GABPB1: variants seen among roughly 807,000 people sequenced by gnomAD.
GABPB1 encodes the protein GA-binding protein subunit beta-1.
A neutral mutation model predicts 45.9 loss-of-function variants in GABPB1; 15 were observed. The observed-to-expected ratio is 0.33, with a 90% CI of 0.22 to 0.50. The LOEUF (loss-of-function observed/expected upper bound fraction) is 0.50. Among genes scored for constraint, GABPB1 ranks in the 20% least tolerant of loss-of-function variants. The pLI is 0.98. For missense variants in GABPB1, 252 were observed against 457.5 expected, an observed-to-expected ratio of 0.55 and a Z score of 4.10; for synonymous variants, 143 against 154.4, an observed-to-expected ratio of 0.93 and a Z score of 0.55.
At position 50,277,338 on chromosome 15, in the gene GABPB1, T is replaced by C. The variant is rs2045853117; in HGVS notation, c.*1294A>G. Reference sequence around the variant, plus strand: ...AGGGTAATTGCTTTTTTATACAGTATAGATAACCTAGAGGGATTTCAGGGT... The same window carrying C: ...AGGGTAATTGCTTTTTTATACAGTACAGATAACCTAGAGGGATTTCAGGGT... On this transcript the variant is annotated 3_prime_UTR_variant, in exon 9 of 9. Coordinates refer to ENST00000380877, the MANE Select transcript of GABPB1 (RefSeq NM_016654.5). 2.6e-5 allele frequency: 4 copies of C among 151,260 alleles called. No homozygotes were observed. Among genetic ancestry groups the C allele is most frequent in the African/African-American group, 4.9e-5 (2 of 41,034 alleles). The allele number at this position is 151,260 out of a possible 1,614,324, so 9.4% of individuals were successfully genotyped here.
Position 50,300,692 on chromosome 15 carries a change from G to A in GABPB1, c.697+97C>T, listed in dbSNP as rs1243514399. ...ACTCCTGAGCTCAGGCAATCCACCCGCCTCGCCCTCCCAAAGTGCTAGGAT... is the reference window on the plus strand; with the variant it reads ...ACTCCTGAGCTCAGGCAATCCACCCACCTCGCCCTCCCAAAGTGCTAGGAT... On this transcript the variant is annotated intron_variant, in intron 6 of 8. Transcript: ENST00000380877. 41 of 720,470 alleles carry A rather than the reference G, an allele frequency of 5.7e-5. No individual in the cohort carries two copies. The Admixed American group carries it at 7.6e-4, about 13-fold the overall frequency. The allele number at this position is 720,470 out of a possible 1,614,324, so 44.6% of individuals were successfully genotyped here.
intron 6 of GABPB1, among the ~76,000 whole-genome samples, chr15:50,297,404 G>C (rs1289851265): frequency 6.6e-6 from 1 of 151,594 alleles, no homozygotes; most frequent in Admixed American, 6.6e-5. Context: ...GTAGAGACAG[G>C]GTTTCAGAAA....
In GABPB1 at chr15:50,304,101, C is replaced by T. The variant is rs2046854248; in HGVS notation, c.141G>A (p.Gln47=). ...LGTSPLHLAA[Q]YGHYSTTEVL... ...CCTCTGTGGTGGAATAATGACCATA[C>T]TGTGCTGCTAGATGAAGTGGAGAAG... The change falls in exon 3 of 9, where the codon CAG becomes CAA. Residue 47 remains glutamine, a synonymous_variant. Coordinates refer to ENST00000380877, the MANE Select transcript of GABPB1 (RefSeq NM_016654.5). 4 of 1,607,688 alleles carry T rather than the reference C, an allele frequency of 2.5e-6. No individual in the cohort carries two copies. Among genetic ancestry groups the T allele is most frequent in the Non-Finnish European group, 8.5e-7 (1 of 1,177,946 alleles).
chr15:50,319,830 T>C (rs1237769823), intron 1 of GABPB1, among the ~76,000 whole-genome samples: 1 of 148,614 alleles, frequency 6.7e-6, no homozygotes, highest in African/African-American at 2.4e-5. Flanking sequence ...AGAGTGAGAC[T>C]CCGTCTCAAA....
chr15:50,294,359 C>T (rs573437423), intron 6 of GABPB1, among the ~76,000 whole-genome samples: 1 of 152,002 alleles, frequency 6.6e-6, no homozygotes, highest in South Asian at 2.1e-4. Flanking sequence ...ACTAAAAATA[C>T]AAAAATTAGC....
At chr15:50,332,741 T>G (rs1484201160) in intron 1 of GABPB1, among the ~76,000 whole-genome samples, 2 of 152,082 alleles carry the variant, frequency 1.3e-5, no homozygotes, top group Non-Finnish European at 2.9e-5. Context: ...TTTAAAATTT[T>G]CCATAAGAGG....
chr15:50,345,195 G>A (rs1387305123), intron 1 of GABPB1, among the ~76,000 whole-genome samples: 1 of 152,138 alleles, frequency 6.6e-6, no homozygotes, highest in Non-Finnish European at 1.5e-5. Flanking sequence ...GGCAAGGAGA[G>A]AACATTAAAA....
intron 1 of GABPB1, among the ~76,000 whole-genome samples, chr15:50,323,179 T>G (rs1190022496): frequency 1.3e-5 from 2 of 152,270 alleles, no homozygotes; most frequent in South Asian, 4.2e-4. Context: ...GAGACTGTAC[T>G]GCACAGCGGC....
At chr15:50,329,040 A>G (rs565086409) in intron 1 of GABPB1, among the ~76,000 whole-genome samples, 15 of 152,304 alleles carry the variant, frequency 9.8e-5, no homozygotes, top group African/African-American at 3.1e-4. Context: ...ATTTTGGCCA[A>G]GGAGAGCCTT....
rs1280358348 is a variant in GABPB1 at position 50,300,881 on chromosome 15, A to G, written c.605T>C (p.Val202Ala). 5 of 1,605,824 alleles carry G rather than the reference A, an allele frequency of 3.1e-6. No homozygotes were observed. The Admixed American group carries it at 8.3e-5, about 27-fold the overall frequency. The change falls in exon 6 of 9, where the codon GTT (valine) becomes GCT (alanine). Residue 202 changes from valine (V) to alanine (A), a missense_variant. Val to Ala is a moderately conservative substitution (Grantham distance 64, BLOSUM62 0). This residue lies in a region of GABPB1 where 193 missense variants were observed against 259.9 expected (regional missense o/e 0.74). Coordinates refer to ENST00000380877, the MANE Select transcript of GABPB1 (RefSeq NM_016654.5). ...TGATGTAGAAGAGTTTCCAAACTGA[A>G]CAGCAGATACACCCGTTTCATCTGT... is the stretch of plus-strand genomic sequence containing the variant. Reference protein sequence around the residue: ...NLTDETGVSAVQFGNSSTSVL... With the variant: ...NLTDETGVSAAQFGNSSTSVL...
chr15:50,296,733 T>C (rs912794338), intron 6 of GABPB1, among the ~76,000 whole-genome samples: 1 of 152,086 alleles, frequency 6.6e-6, no homozygotes, highest in Non-Finnish European at 1.5e-5. Context: ...CTTGAAAAGA[T>C]ATATATAAAC....
intron 1 of GABPB1, among the ~76,000 whole-genome samples, chr15:50,338,660 G>T (rs551677059): frequency 2.0e-5 from 3 of 152,100 alleles, no homozygotes; most frequent in East Asian, 3.9e-4. Context: ...TTTTTGTAGA[G>T]ACGGGGCTTC....
intron 6 of GABPB1, among the ~76,000 whole-genome samples, chr15:50,295,995 T>C (rs2046497098): frequency 6.6e-6 from 1 of 152,182 alleles, no homozygotes; most frequent in African/African-American, 2.4e-5. Flanking sequence ...ATGTCAAAAA[T>C]GGTACTAACG....
chr15:50,322,754 C>T (rs761700624), intron 1 of GABPB1, among the ~76,000 whole-genome samples: 6 of 152,062 alleles, frequency 3.9e-5, no homozygotes, highest in East Asian at 1.9e-4. Flanking sequence ...GGGCCAGGCA[C>T]GGTGGCTCAT....
At chr15:50,337,498 C>T (rs568339798) in intron 1 of GABPB1, among the ~76,000 whole-genome samples, 8 of 152,084 alleles carry the variant, frequency 5.3e-5, no homozygotes, top group African/African-American at 1.9e-4. Flanking sequence ...CAGTGGTTCA[C>T]GCCTGTAGTA....
intron 6 of GABPB1, among the ~76,000 whole-genome samples, chr15:50,293,139 T>G (rs986416152): frequency 6.6e-6 from 1 of 151,948 alleles, no homozygotes; most frequent in Non-Finnish European, 1.5e-5. Flanking sequence ...AAAACCACTC[T>G]CTACTAAAAT....
chr15:50,314,195 AT>A (rs543031188), intron 1 of GABPB1, among the ~76,000 whole-genome samples: 1 of 149,638 alleles, frequency 6.7e-6, no homozygotes, highest in Non-Finnish European at 1.5e-5. Context: ...TTATTTATTT[AT>A]TTTTTGAGAC....
At chr15:50,320,570 C>T (rs1291458213) in intron 1 of GABPB1, among the ~76,000 whole-genome samples, 1 of 152,164 alleles carries the variant, frequency 6.6e-6, no homozygotes, top group Non-Finnish European at 1.5e-5. Flanking sequence ...AATGCTCCCC[C>T]AAAGATGTCT....
At chr15:50,328,672 C>G (rs951945407) in intron 1 of GABPB1, among the ~76,000 whole-genome samples, 2 of 152,152 alleles carry the variant, frequency 1.3e-5, no homozygotes, top group Non-Finnish European at 2.9e-5. Flanking sequence ...TTGAGGCCAA[C>G]TAGAAATCTG....
Sources: gnomAD v4.1 joint callset for allele counts (sites outside exome capture counted in the v4.1 genomes callset) on GRCh38, gnomAD v4.1.1 for gene constraint, gnomAD v4.1.1 regional missense constraint, MANE v1.5 for transcripts, NCBI Gene and HGNC (gene_info 2026-07-23, HGNC 2026-07-21) for gene names.